Variants in RNF135 observed in about 807,000 individuals in gnomAD.
The protein encoded by RNF135 is ring finger protein 135.
Under a neutral mutation model 41.9 loss-of-function variants are expected in RNF135, and 46 were observed. The ratio of observed to expected loss-of-function variants is 1.10; its 90% CI spans 0.87 to 1.40. The LOEUF (loss-of-function observed/expected upper bound fraction) is 1.40, where lower values mean the gene tolerates loss of function less well. Among genes scored for constraint, RNF135 ranks in the 40% most tolerant of loss-of-function variants. RNF135 has a pLI of 0.00. For missense variants in RNF135, 539 were observed against 549.8 expected (o/e 0.98, Z 0.20); for synonymous variants, 238 against 223.8 (o/e 1.06, Z -0.57).
At chr17:30,972,744 A>AT (rs2142656875) in intron 1 of RNF135, 1 of 152,326 alleles carries the variant, frequency 6.6e-6, no homozygotes, top group South Asian at 2.1e-4. Flanking sequence ...ATGGGGCTGA[A>AT]TGATATTCCA....
chr17:30,986,076 A>G (rs1015298294), intron 2 of RNF135, among the ~76,000 whole-genome samples: 2 of 151,806 alleles, frequency 1.3e-5, no homozygotes, highest in African/African-American at 4.8e-5. Context: ...GGCTCTGAGG[A>G]CTCCATGTAC....
intron 2 of RNF135, among the ~76,000 whole-genome samples, chr17:30,987,066 T>C (rs1481861756): frequency 6.6e-6 from 1 of 151,908 alleles, no homozygotes; most frequent in Non-Finnish European, 1.5e-5. Context: ...GGGTTGAAGT[T>C]GGTGAGCAGA....
chr17:30,971,587 C>T lies in RNF135; in HGVS notation c.372+142C>T, dbSNP rs75674456. Reference sequence around the variant, plus strand: ...AGTCTAAAAGTCGAGTTCCGCTCTTCGGAGGCACTTTGGAAAGTTCATAAA... The same window carrying T: ...AGTCTAAAAGTCGAGTTCCGCTCTTTGGAGGCACTTTGGAAAGTTCATAAA... On this transcript the variant is annotated intron_variant, in intron 1 of 4. Transcript: ENST00000328381. 3,991 of 1,356,496 alleles carry T rather than the reference C, an allele frequency of 2.9e-3. 62 individuals carry two copies. In the African/African-American group the frequency reaches 0.041, roughly 14 times the overall value. 84.0% of individuals were successfully genotyped at this position (1,356,496 alleles called of 1,614,324 possible).
At chr17:30,969,733 TTTTC>T (rs1313235837), upstream of RNF135, among the ~76,000 whole-genome samples, 452 of 151,398 alleles carry the variant, frequency 3.0e-3, 1 homozygote, top group Non-Finnish European at 5.3e-3. Flanking sequence ...AAACGCTTTT[TTTTC>T]TTTCTTTTCT....
intron 3 of RNF135, among the ~76,000 whole-genome samples, chr17:30,995,293 CAGG>C (rs1330961227): frequency 6.6e-6 from 1 of 151,900 alleles, no homozygotes; most frequent in Non-Finnish European, 1.5e-5. Flanking sequence ...GAGGCTGAGG[CAGG>C]AGAATGGCGT....
At chr17:30,991,636 A>C (rs1159024904) in intron 3 of RNF135, among the ~76,000 whole-genome samples, 3 of 150,970 alleles carry the variant, frequency 2.0e-5, no homozygotes, top group Non-Finnish European at 4.4e-5. Flanking sequence ...CTGGTCTCAG[A>C]CTCCTGACCT....
At chr17:30,974,260 G>A (rs1906243443) in intron 1 of RNF135, among the ~76,000 whole-genome samples, 1 of 152,254 alleles carries the variant, frequency 6.6e-6, no homozygotes, top group Admixed American at 6.5e-5. Flanking sequence ...TGGTCTATAT[G>A]TCTGTACTTA....
chr17:30,993,895 T>C (rs1161908489), intron 3 of RNF135: 1 of 642,728 alleles, frequency 1.6e-6, no homozygotes, highest in East Asian at 2.8e-5. Flanking sequence ...CCTCGATCTC[T>C]CAGGCTCAGG....
chr17:30,979,250 C>CCCCA (rs1224128260), intron 1 of RNF135: 10 of 144,358 alleles, frequency 6.9e-5, no homozygotes, highest in African/African-American at 2.8e-4. Context: ...ACCCCCCCCC[C>CCCCA]CACCCTCCCG....
intron 1 of RNF135, among the ~76,000 whole-genome samples, chr17:30,983,338 TATATATATATATA>T (rs1363588585): frequency 5.9e-4 from 18 of 30,750 alleles, no homozygotes; most frequent in African/African-American, 1.3e-3. Flanking sequence ...TATATATATA[TATATATATATATA>T]TATTTTTTTT....
intron 1 of RNF135, among the ~76,000 whole-genome samples, chr17:30,980,411 C>A (rs1261632249): frequency 1.4e-5 from 2 of 145,552 alleles, no homozygotes; most frequent in East Asian, 2.1e-4. Flanking sequence ...TAGGGGCGGC[C>A]GGGCAGAGGG....
At chr17:30,964,569 A>C in the RNF135 span, among the ~76,000 whole-genome samples, 1 of 152,040 alleles carries the variant, frequency 6.6e-6, no homozygotes, top group East Asian at 1.9e-4. Context: ...GCGCCAGTGC[A>C]CTCCAGCCTG....
intron 1 of RNF135, among the ~76,000 whole-genome samples, chr17:30,981,797 G>A (rs1907168972): frequency 6.6e-6 from 1 of 152,264 alleles, no homozygotes; most frequent in African/African-American, 2.4e-5. Context: ...GACTCTTGCA[G>A]ACTACTAGAG....
the RNF135 span, among the ~76,000 whole-genome samples, chr17:30,960,744 A>AT: frequency 4.5e-3 from 610 of 134,642 alleles, 1 homozygote; most frequent in African/African-American, 9.6e-3. Context: ...ATTTTATTTT[A>AT]TTTTTTTTTT....
At chr17:30,984,801 G>A (rs750573357) in intron 2 of RNF135, 41 bp downstream of exon 2, 16 of 1,607,598 alleles carry the variant, frequency 1.0e-5, no homozygotes, top group East Asian at 6.7e-5. Context: ...GAAGGGAATA[G>A]GGCTAGGGAT....
At chr17:30,970,931 G>T, upstream of RNF135, 1 of 1,169,376 alleles carries the variant, frequency 8.6e-7, no homozygotes, top group Non-Finnish European at 1.2e-6. Context: ...ATCGGAGGAA[G>T]GAGACGGGGT....
intron 1 of RNF135, among the ~76,000 whole-genome samples, chr17:30,979,710 G>A (rs1906865271): frequency 1.5e-5 from 2 of 130,488 alleles, no homozygotes; most frequent in Non-Finnish European, 3.3e-5. Flanking sequence ...CGGGCGGGGG[G>A]CTGACCCCCC....
chr17:30,972,274 GTT>G (rs1399436699), intron 1 of RNF135: 2 of 151,624 alleles, frequency 1.3e-5, no homozygotes, highest in African/African-American at 2.4e-5. Context: ...TTTTTTGTAT[GTT>G]TTTTTCTTTT....
At chr17:30,995,926 TTGTGTGTGTGTG>T (rs56185624) in intron 3 of RNF135, among the ~76,000 whole-genome samples, 1 of 147,736 alleles carries the variant, frequency 6.8e-6, no homozygotes. Context: ...CTGACTAGTT[TTGTGTGTGTGTG>T]TGTGTGTGTG....
Sources: gnomAD v4.1 joint callset for allele counts (sites outside exome capture counted in the v4.1 genomes callset) on GRCh38, gnomAD v4.1.1 for gene constraint, MANE v1.5 for transcripts, NCBI Gene and HGNC (gene_info 2026-07-23, HGNC 2026-07-21) for gene names.